Variants in DCLK1 observed in about 807,000 individuals in gnomAD.
The protein encoded by DCLK1 is serine/threonine-protein kinase DCLK1.
Under a neutral mutation model 86.2 loss-of-function variants are expected in DCLK1, and 16 were observed. The ratio of observed to expected loss-of-function variants is 0.19; its 90% CI spans 0.13 to 0.28. The LOEUF is 0.28. Ranked by LOEUF, DCLK1 falls within the 10% of genes least tolerant of loss-of-function variation. The pLI is 1.00. For synonymous variants in DCLK1, 369 were observed against 370.5 expected (o/e 1.00, Z 0.05); for missense variants, 590 against 940.2 (o/e 0.63, Z 4.87).
intron 3 of DCLK1, among the ~76,000 whole-genome samples, chr13:35,952,718 T>C (rs1424927753): frequency 6.6e-6 from 1 of 152,176 alleles, no homozygotes; most frequent in East Asian, 1.9e-4. Context: ...TAATTTTCAG[T>C]TTTTACTTAG....
intron 3 of DCLK1, among the ~76,000 whole-genome samples, chr13:35,986,163 G>A (rs528437896): frequency 6.1e-4 from 93 of 151,970 alleles, no homozygotes; most frequent in African/African-American, 2.2e-3. Flanking sequence ...GTAGCTGGAT[G>A]TGGTGGTGCA....
At chr13:35,921,201 T>C (rs1402499987) in intron 4 of DCLK1, among the ~76,000 whole-genome samples, 2 of 152,106 alleles carry the variant, frequency 1.3e-5, no homozygotes, top group East Asian at 3.9e-4. Context: ...CTTTAGAAGG[T>C]TTACCACAGC....
At chr13:36,127,261 T>C (rs1037029300) in intron 1 of DCLK1, among the ~76,000 whole-genome samples, 4 of 152,182 alleles carry the variant, frequency 2.6e-5, no homozygotes, top group African/African-American at 4.8e-5. Flanking sequence ...CATTTACTTA[T>C]ATTTAGTACT....
chr13:35,978,033 A>G (rs1879434867), intron 3 of DCLK1, among the ~76,000 whole-genome samples: 1 of 152,084 alleles, frequency 6.6e-6, no homozygotes, highest in African/African-American at 2.4e-5. Context: ...TGTCCCTGAA[A>G]GAAATATTAA....
chr13:35,900,867 G>A (rs540928006), intron 4 of DCLK1, among the ~76,000 whole-genome samples: 1 of 152,300 alleles, frequency 6.6e-6, no homozygotes, highest in African/African-American at 2.4e-5. Flanking sequence ...CGTGCATGGA[G>A]TCATAACTGA....
At chr13:35,923,891 T>C (rs1474135561) in intron 4 of DCLK1, among the ~76,000 whole-genome samples, 3 of 152,054 alleles carry the variant, frequency 2.0e-5, no homozygotes, top group Non-Finnish European at 2.9e-5. Context: ...CACAAGACAG[T>C]AAGAAGCAGA....
intron 14 of DCLK1, among the ~76,000 whole-genome samples, chr13:35,806,075 CCTTT>C (rs1354321878): frequency 6.6e-6 from 1 of 151,956 alleles, no homozygotes; most frequent in African/African-American, 2.4e-5. Flanking sequence ...AATTAATATT[CCTTT>C]CTTTGTCTAG....
intron 3 of DCLK1, among the ~76,000 whole-genome samples, chr13:35,982,433 G>GGGAGGGAGGGAGGGA (rs1566631734): frequency 4.6e-5 from 1 of 21,692 alleles, no homozygotes; most frequent in African/African-American, 1.5e-4. Context: ...AGAGAGAGAG[G>GGGAGGGAGGGAGGGA]GGGAGGGAGG....
intron 3 of DCLK1, among the ~76,000 whole-genome samples, chr13:35,958,672 T>C (rs903189986): frequency 6.6e-6 from 1 of 152,258 alleles, no homozygotes; most frequent in African/African-American, 2.4e-5. Flanking sequence ...GTCTCTTGAG[T>C]GTTCTGTGCA....
At chr13:35,911,454 T>C (rs1593724827) in intron 4 of DCLK1, among the ~76,000 whole-genome samples, 1 of 152,138 alleles carries the variant, frequency 6.6e-6, no homozygotes, top group African/African-American at 2.4e-5. Flanking sequence ...GCAGATCTCC[T>C]GTTAGAGAGA....
chr13:35,974,670 G>T (rs1253461123), intron 3 of DCLK1, among the ~76,000 whole-genome samples: 3 of 152,126 alleles, frequency 2.0e-5, no homozygotes, highest in Non-Finnish European at 2.9e-5. Flanking sequence ...TGCCATGGTT[G>T]TAAGTTTTCT....
chr13:35,862,272 A>G (rs1408705700), intron 5 of DCLK1, among the ~76,000 whole-genome samples: 2 of 152,110 alleles, frequency 1.3e-5, no homozygotes, highest in Admixed American at 1.3e-4. Flanking sequence ...CACACTCCAC[A>G]TGTCTAAAAC....
At chr13:36,038,305 G>A (rs1290970431) in intron 3 of DCLK1, among the ~76,000 whole-genome samples, 5 of 152,162 alleles carry the variant, frequency 3.3e-5, no homozygotes, top group African/African-American at 9.7e-5. Flanking sequence ...TTGTTTTAAG[G>A]CCCGGAGATG....
chr13:35,831,172 C>G lies in DCLK1; in HGVS notation c.1230-2865G>C, dbSNP rs142391658. 8.9e-3 allele frequency among the ~76,000 whole-genome samples: 1,358 copies of G among 152,306 alleles called. 28 individuals carry two copies. The highest frequency in any genetic ancestry group is 0.031 in the African/African-American group (1,284 of 41,566). ...CGTAATAGGATTAAACCTTCCATTACATCTACTCATATTTCATAGTGGACA... is the reference window on the plus strand; with the variant it reads ...CGTAATAGGATTAAACCTTCCATTAGATCTACTCATATTTCATAGTGGACA... On this transcript the variant is annotated intron_variant, in intron 8 of 16. Coordinates refer to ENST00000360631, the MANE Select transcript of DCLK1 (RefSeq NM_001330071.2).
At chr13:36,102,341 A>G (rs1885248009) in intron 3 of DCLK1, among the ~76,000 whole-genome samples, 1 of 152,122 alleles carries the variant, frequency 6.6e-6, no homozygotes, top group Non-Finnish European at 1.5e-5. Context: ...GAATAGAAAG[A>G]TCTCTTGTAG....
At chr13:35,889,658 G>C (rs1873515318) in intron 4 of DCLK1, among the ~76,000 whole-genome samples, 2 of 151,810 alleles carry the variant, frequency 1.3e-5, no homozygotes, top group South Asian at 4.2e-4. Flanking sequence ...TTAAGATTTG[G>C]TGATACATCT....
At chr13:35,840,724 C>G (rs1268251179) in intron 6 of DCLK1, among the ~76,000 whole-genome samples, 2 of 152,166 alleles carry the variant, frequency 1.3e-5, no homozygotes, top group Non-Finnish European at 1.5e-5. Context: ...AGATTGTCAC[C>G]TTGACACAGA....
intron 3 of DCLK1, among the ~76,000 whole-genome samples, chr13:36,060,227 A>G (rs1254573264): frequency 1.3e-5 from 2 of 152,218 alleles, no homozygotes; most frequent in African/African-American, 4.8e-5. Flanking sequence ...CTATCTATAC[A>G]TGAACATGTG....
chr13:36,064,363 A>G (rs1272587994), intron 3 of DCLK1, among the ~76,000 whole-genome samples: 2 of 152,162 alleles, frequency 1.3e-5, no homozygotes, highest in Non-Finnish European at 2.9e-5. Context: ...TTTAGTCCAT[A>G]AGAAAGTAGG....
Sources: allele counts gnomAD v4.1 joint callset (sites outside exome capture counted in the v4.1 genomes callset), GRCh38; gene constraint gnomAD v4.1.1; transcripts MANE v1.5; gene names NCBI Gene and HGNC (gene_info 2026-07-23, HGNC 2026-07-21).